The following FHIT variants were observed in gnomAD, a reference collection of about 807,000 sequenced individuals.
The protein encoded by FHIT is bis(5'-adenosyl)-triphosphatase.
In FHIT, 19 loss-of-function variants were observed where a neutral mutation model predicts 17.9. The ratio of observed to expected loss-of-function variants is 1.06; its 90% confidence interval spans 0.74 to 1.56. The LOEUF is 1.56. Ranked by LOEUF, FHIT falls within the 40% of genes most tolerant of loss-of-function variation. FHIT has a pLI of 0.00. For missense variants in FHIT, 248 were observed against 189.2 expected (o/e 1.31, Z -1.82); for synonymous variants, 81 against 69.7 (o/e 1.16, Z -0.81).
At chr3:59,956,478 G>A (rs1246125611) in intron 7 of FHIT, among the ~76,000 whole-genome samples, 3 of 152,188 alleles carry the variant, frequency 2.0e-5, no homozygotes, top group African/African-American at 7.2e-5. Context: ...GACCATCCTG[G>A]CCAACATGGT....
At chr3:59,846,145 C>A (rs1701711093) in intron 8 of FHIT, among the ~76,000 whole-genome samples, 1 of 151,822 alleles carries the variant, frequency 6.6e-6, no homozygotes, top group Admixed American at 6.6e-5. Flanking sequence ...TTTCTATATG[C>A]CTTATAGGTT....
At chr3:60,861,153 A>T (rs1553752191) in intron 3 of FHIT, among the ~76,000 whole-genome samples, 2 of 15,264 alleles carry the variant, frequency 1.3e-4, no homozygotes, top group Non-Finnish European at 2.2e-4. Context: ...TATGATCTAT[A>T]TACATATATA....
At chr3:61,202,097 T>A (rs200019251) in intron 1 of FHIT, among the ~76,000 whole-genome samples, 6 of 114,448 alleles carry the variant, frequency 5.2e-5, no homozygotes, top group Non-Finnish European at 1.2e-4. Flanking sequence ...CACACGCACA[T>A]ACACACACAT....
At chr3:60,611,093 G>T (rs894470741) in intron 4 of FHIT, among the ~76,000 whole-genome samples, 1 of 152,158 alleles carries the variant, frequency 6.6e-6, no homozygotes, top group African/African-American at 2.4e-5. Context: ...GTGATCTCAG[G>T]CTCATTTAGC....
chr3:59,946,418 T>C (rs1020830097), intron 7 of FHIT, among the ~76,000 whole-genome samples: 2 of 152,232 alleles, frequency 1.3e-5, no homozygotes, highest in African/African-American at 4.8e-5. Context: ...AAAGAGCTTT[T>C]GGACAGAGAC....
intron 5 of FHIT, among the ~76,000 whole-genome samples, chr3:60,361,579 A>G (rs1406652111): frequency 1.3e-5 from 2 of 152,208 alleles, no homozygotes; most frequent in Non-Finnish European, 2.9e-5. Context: ...AACAGGTGAC[A>G]AGTTTCTTTG....
intron 3 of FHIT, among the ~76,000 whole-genome samples, chr3:60,850,246 T>C (rs1553747839): frequency 6.6e-6 from 1 of 151,810 alleles, no homozygotes; most frequent in Non-Finnish European, 1.5e-5. Context: ...CTGGAAGGTA[T>C]TGGGCACAGG....
intron 5 of FHIT, among the ~76,000 whole-genome samples, chr3:60,255,379 G>A (rs571259858): frequency 5.2e-4 from 79 of 152,282 alleles, no homozygotes; most frequent in Admixed American, 3.4e-3. Flanking sequence ...GGATGGCACA[G>A]GGGTTGCAAA....
At chr3:61,152,280 G>A (rs1298022135) in intron 2 of FHIT, among the ~76,000 whole-genome samples, 4 of 152,158 alleles carry the variant, frequency 2.6e-5, no homozygotes, top group Non-Finnish European at 4.4e-5. Context: ...AGATAACAGA[G>A]CAGAGAGCTT....
At chr3:61,105,128 A>G (rs1275345834) in intron 2 of FHIT, among the ~76,000 whole-genome samples, 1 of 152,156 alleles carries the variant, frequency 6.6e-6, no homozygotes, top group Non-Finnish European at 1.5e-5. Context: ...GATTGTCTGG[A>G]GAAAAGAAGG....
chr3:60,026,713 A>T (rs1052606889), intron 5 of FHIT, among the ~76,000 whole-genome samples: 29 of 152,344 alleles, frequency 1.9e-4, no homozygotes, highest in African/African-American at 6.7e-4. Flanking sequence ...ATTTAAACGC[A>T]TTTAGAATTT....
At chr3:59,760,238 G>A (rs750980889) in intron 8 of FHIT, among the ~76,000 whole-genome samples, 2 of 152,156 alleles carry the variant, frequency 1.3e-5, no homozygotes, top group Non-Finnish European at 2.9e-5. Flanking sequence ...CATTTTCAAG[G>A]GGTATAGAGT....
At chr3:60,228,474 T>C (rs1559744763) in intron 5 of FHIT, among the ~76,000 whole-genome samples, 2 of 152,304 alleles carry the variant, frequency 1.3e-5, no homozygotes, top group East Asian at 1.9e-4. Flanking sequence ...TTTTTTGGTA[T>C]GTGAATTATA....
chr3:60,454,936 T>A (rs1399183195), intron 5 of FHIT, among the ~76,000 whole-genome samples: 1 of 152,060 alleles, frequency 6.6e-6, no homozygotes, highest in Non-Finnish European at 1.5e-5. Context: ...CCAAGTTTAA[T>A]ATTACCATAA....
chr3:60,890,684 A>G (rs984577518), intron 3 of FHIT, among the ~76,000 whole-genome samples: 9 of 152,250 alleles, frequency 5.9e-5, no homozygotes, highest in Admixed American at 2.0e-4. Flanking sequence ...AAATGAATTC[A>G]TCAATAAACA....
At chr3:60,791,220 T>C (rs1291006046) in intron 4 of FHIT, among the ~76,000 whole-genome samples, 1 of 152,162 alleles carries the variant, frequency 6.6e-6, no homozygotes, top group East Asian at 1.9e-4. Context: ...CCTGTACATA[T>C]TGTTTCTCCA....
intron 4 of FHIT, among the ~76,000 whole-genome samples, chr3:60,642,992 T>A (rs1340265231): frequency 5.9e-5 from 9 of 152,184 alleles, no homozygotes; most frequent in African/African-American, 2.2e-4. Context: ...CTTTCACAGT[T>A]TTTGGTATGG....
intron 7 of FHIT, among the ~76,000 whole-genome samples, chr3:59,994,637 G>A (rs949701849): frequency 3.3e-5 from 5 of 151,950 alleles, no homozygotes; most frequent in African/African-American, 1.2e-4. Context: ...CAAATCCCAG[G>A]GAAGAAATCA....
Position 59,860,794 on chromosome 3 carries a change from G to C in FHIT, c.348+61552C>G, listed in dbSNP as rs80031066. Among the ~76,000 whole-genome samples the C allele has an allele frequency of 5.6e-3, 850 of 152,244 alleles. 7 individuals carry two copies. Among genetic ancestry groups the C allele is most frequent in the African/African-American group, 0.019 (806 of 41,532 alleles). On this transcript the variant is annotated intron_variant, in intron 8 of 9. Coordinates refer to ENST00000492590, the MANE Select transcript of FHIT (RefSeq NM_002012.4). ...AGGTGTGAGGAAACTTCAGAAAATAGAAGGAAAAAGAATATTTACATTCCC... is the reference window on the plus strand; with the variant it reads ...AGGTGTGAGGAAACTTCAGAAAATACAAGGAAAAAGAATATTTACATTCCC...
Sources: allele counts gnomAD v4.1 joint callset (sites outside exome capture counted in the v4.1 genomes callset), GRCh38; gene constraint gnomAD v4.1.1; transcripts MANE v1.5; gene names NCBI Gene and HGNC (gene_info 2026-07-23, HGNC 2026-07-21).